The following IL1RAPL1 variants were observed in gnomAD, a reference collection of about 807,000 sequenced individuals.
The protein encoded by IL1RAPL1 is interleukin-1 receptor accessory protein-like 1.
IL1RAPL1 carries 3 observed loss-of-function variants against 48.4 expected under a neutral mutation model. The observed-to-expected ratio is 0.06, with a 90% CI of 0.03 to 0.16. IL1RAPL1 has a LOEUF of 0.16. Ranked by LOEUF, IL1RAPL1 falls within the 10% of genes least tolerant of loss-of-function variation. IL1RAPL1 has a pLI of 1.00. For missense variants in IL1RAPL1, 349 were observed against 530.6 expected (o/e 0.66, Z 3.36); for synonymous variants, 185 against 187.7 (o/e 0.99, Z 0.12).
At chrX:29,400,188 A>G (rs888039090) in intron 5 of IL1RAPL1, among the ~76,000 whole-genome samples, 1 of 112,005 alleles carries the variant, frequency 8.9e-6, no homozygotes, top group Non-Finnish European at 1.9e-5. Flanking sequence ...CACTACCTGT[A>G]ATCATGAATC....
At chrX:29,780,240 A>T (rs1229017241) in intron 6 of IL1RAPL1, among the ~76,000 whole-genome samples, 1 of 111,965 alleles carries the variant, frequency 8.9e-6, no homozygotes, top group Non-Finnish European at 1.9e-5. Flanking sequence ...AAGATAAAAG[A>T]ATGATTTTTC....
chrX:28,898,972 A>T (rs753128141), intron 2 of IL1RAPL1, among the ~76,000 whole-genome samples: 1 of 111,291 alleles, frequency 9.0e-6, no homozygotes, highest in African/African-American at 3.3e-5. Context: ...CCATTTTCAC[A>T]CTGCTATAAA....
In IL1RAPL1 at chrX:28,656,156, G is replaced by A. The variant is rs1324562554; in HGVS notation, c.-25+68109G>A. The stretch of plus-strand genomic sequence containing the variant: ...GTCATCCAGTTGCTTCTAATGTCAA[G>A]TGTTTTCTACTTTCTGGCACACACC... On this transcript the variant is annotated intron_variant, in intron 1 of 10. Coordinates refer to ENST00000378993, the MANE Select transcript of IL1RAPL1 (RefSeq NM_014271.4). 3.6e-5 allele frequency among the ~76,000 whole-genome samples: 4 copies of A among 111,654 alleles called. No individual in the cohort carries two copies. The Admixed American group carries it at 3.8e-4, about 11-fold the overall frequency.
At chrX:28,806,083 T>C (rs1306655243) in intron 2 of IL1RAPL1, among the ~76,000 whole-genome samples, 1 of 111,705 alleles carries the variant, frequency 9.0e-6, no homozygotes, top group East Asian at 2.8e-4. Flanking sequence ...AGTTCATTAA[T>C]GAGGCTTTAC....
At chrX:29,270,601 T>G (rs1162158830) in intron 2 of IL1RAPL1, among the ~76,000 whole-genome samples, 2 of 111,935 alleles carry the variant, frequency 1.8e-5, no homozygotes, top group African/African-American at 6.5e-5. Flanking sequence ...TGGATCTATT[T>G]CTGGACTCTA....
At chrX:29,782,577 A>G (rs1929372310) in intron 6 of IL1RAPL1, among the ~76,000 whole-genome samples, 2 of 111,467 alleles carry the variant, frequency 1.8e-5, no homozygotes, top group African/African-American at 6.5e-5. Context: ...ATGGAAGGGG[A>G]TGAAGGCTAT....
chrX:29,850,549 T>C (rs1931341955), intron 6 of IL1RAPL1, among the ~76,000 whole-genome samples: 1 of 112,280 alleles, frequency 8.9e-6, no homozygotes, highest in Admixed American at 9.4e-5. Context: ...CTGCCACAAT[T>C]GAGGTGGTGC....
chrX:28,785,658 C>G (rs1258298512), intron 1 of IL1RAPL1, among the ~76,000 whole-genome samples: 1 of 111,660 alleles, frequency 9.0e-6, no homozygotes, highest in African/African-American at 3.3e-5. Context: ...CTTGTTTTTC[C>G]TAATACATGT....
intron 2 of IL1RAPL1, among the ~76,000 whole-genome samples, chrX:29,035,541 C>T (rs1569224073): frequency 9.0e-6 from 1 of 111,073 alleles, no homozygotes; most frequent in Non-Finnish European, 1.9e-5. Flanking sequence ...TGTAGGAAGG[C>T]AGAAGGCGGA....
At chrX:29,543,415 AT>A (rs1921507629) in intron 5 of IL1RAPL1, among the ~76,000 whole-genome samples, 1 of 110,109 alleles carries the variant, frequency 9.1e-6, no homozygotes, top group East Asian at 2.8e-4. Context: ...CCTTCCTTGG[AT>A]TGTCTGGTGT....
rs764542353 is a variant in IL1RAPL1, at chrX:28,664,813, G to A, written c.-25+76766G>A. Among the ~76,000 whole-genome samples, 23 of 111,705 alleles carry A rather than the reference G, an allele frequency of 2.1e-4. 1 individual carries two copies. The highest frequency in any genetic ancestry group is 4.1e-4 in the Non-Finnish European group (22 of 53,184). ...GAGAACTGCACTTGTCAGGCTTGTTGCCATTACACAACATTGTAGTTACTG... is the reference window on the plus strand; with the variant it reads ...GAGAACTGCACTTGTCAGGCTTGTTACCATTACACAACATTGTAGTTACTG... On this transcript the variant is annotated intron_variant, in intron 1 of 10. Coordinates refer to ENST00000378993, the MANE Select transcript of IL1RAPL1 (RefSeq NM_014271.4).
chrX:29,425,276 A>G (rs1191104027), intron 5 of IL1RAPL1, among the ~76,000 whole-genome samples: 4 of 112,216 alleles, frequency 3.6e-5, no homozygotes, highest in Non-Finnish European at 7.5e-5. Flanking sequence ...CCAAGTTTGG[A>G]TATGGTGCAC....
At chrX:28,925,311 T>C (rs1015064599) in intron 2 of IL1RAPL1, among the ~76,000 whole-genome samples, 2 of 111,948 alleles carry the variant, frequency 1.8e-5, no homozygotes, top group Non-Finnish European at 3.8e-5. Context: ...AAATTAAGTA[T>C]GTATTTTAGT....
At position 28,767,246 on chromosome X, in the gene IL1RAPL1, A is replaced by G. The variant is rs773885176; in HGVS notation, c.-24-22074A>G. 6.3e-5 allele frequency among the ~76,000 whole-genome samples: 7 copies of G among 111,496 alleles called. No individual in the cohort carries two copies. In the East Asian group the frequency reaches 1.7e-3, roughly 27 times the overall value. On this transcript the variant is annotated intron_variant, in intron 1 of 10. Transcript: ENST00000378993. Reference sequence around the variant, plus strand: ...TATAAGCCATTTTAACTGAGGTTAGATGATACCTCATTGTAGTTTTGATTT... The same window carrying G: ...TATAAGCCATTTTAACTGAGGTTAGGTGATACCTCATTGTAGTTTTGATTT...
At chrX:29,107,003 A>G (rs1928461720) in intron 2 of IL1RAPL1, among the ~76,000 whole-genome samples, 1 of 111,954 alleles carries the variant, frequency 8.9e-6, no homozygotes, top group Non-Finnish European at 1.9e-5. Context: ...ATGTATAAAG[A>G]TGACCTCTTT....
chrX:29,078,626 A>G (rs992143386), intron 2 of IL1RAPL1, among the ~76,000 whole-genome samples: 1 of 112,340 alleles, frequency 8.9e-6, no homozygotes, highest in African/African-American at 3.2e-5. Flanking sequence ...TATTTTACTC[A>G]TGATAACAAT....
intron 3 of IL1RAPL1, among the ~76,000 whole-genome samples, chrX:29,374,014 A>G (rs1933584305): frequency 9.7e-6 from 1 of 103,179 alleles, no homozygotes; most frequent in Non-Finnish European, 2.0e-5. Flanking sequence ...GCTGTTTTTA[A>G]CGTGCTGCTG....
At chrX:28,848,346 A>G (rs888010555) in intron 2 of IL1RAPL1, among the ~76,000 whole-genome samples, 4 of 111,331 alleles carry the variant, frequency 3.6e-5, no homozygotes, top group African/African-American at 1.3e-4. Flanking sequence ...AATAAATAAA[A>G]TGAAATAAAA....
chrX:29,513,543 C>T (rs756378920), intron 5 of IL1RAPL1, among the ~76,000 whole-genome samples: 1 of 111,547 alleles, frequency 9.0e-6, no homozygotes, highest in African/African-American at 3.3e-5. Context: ...AGCCTGGTTT[C>T]GTGTAAGGAG....
Sources: allele counts gnomAD v4.1 joint callset (sites outside exome capture counted in the v4.1 genomes callset), GRCh38; gene constraint gnomAD v4.1.1; transcripts MANE v1.5; gene names NCBI Gene and HGNC (gene_info 2026-07-23, HGNC 2026-07-21).